TEX10: variants seen among roughly 807,000 people sequenced by gnomAD.
The protein encoded by TEX10 is testis expressed 10, also known as testis-expressed protein 10.
TEX10 carries 24 observed loss-of-function variants against 104.4 expected under a neutral mutation model. The observed-to-expected ratio is 0.23, with a 90% CI of 0.17 to 0.32. The LOEUF (loss-of-function observed/expected upper bound fraction) is 0.32. TEX10 is among the 10% of genes least tolerant of loss of function. TEX10 has a pLI of 1.00. For synonymous variants in TEX10, 396 were observed against 393.4 expected, an observed-to-expected ratio of 1.01 and a Z score of -0.08; for missense variants, 921 against 1,083.9, an observed-to-expected ratio of 0.85 and a Z score of 2.11.
chr9:100,320,467 A>T, intron 10 of TEX10, 69 bp from the exon 11 acceptor site: 1 of 1,489,072 alleles, frequency 6.7e-7, no homozygotes, highest in South Asian at 1.4e-5. Flanking sequence ...TTCTTAAAAA[A>T]CAGAGATGAC....
In TEX10 at chr9:100,352,689, G is replaced by GC. The variant is rs944145451; in HGVS notation, c.-10+82dup. 1.5e-5 allele frequency: 20 copies of GC among 1,330,008 alleles called. No homozygotes were observed. The African/African-American group carries it at 3.0e-4, about 20-fold the overall frequency. 82.4% of individuals were successfully genotyped at this position (1,330,008 alleles called of 1,614,324 possible). Reference sequence around the variant, plus strand: ...TGCACGGCCGACCCTGCCCGCTTGGGCCGCGGATCGGGGGGCGACGGCCCC... The same window carrying GC: ...TGCACGGCCGACCCTGCCCGCTTGGGCCCGCGGATCGGGGGGCGACGGCCCC... On this transcript the variant is annotated intron_variant, in intron 1 of 14. Transcript: ENST00000374902.
At chr9:100,346,007 C>A in intron 4 of TEX10, 65 bp downstream of exon 4, 1 of 1,518,142 alleles carries the variant, frequency 6.6e-7, no homozygotes, top group Non-Finnish European at 8.8e-7. Flanking sequence ...GAGCTGATTT[C>A]GAATCTTGCC....
chr9:100,310,240 C>G, intron 12 of TEX10, 59 bp downstream of exon 12: 2 of 1,412,928 alleles, frequency 1.4e-6, no homozygotes, highest in Admixed American at 1.8e-5. Context: ...GTGGAAAACT[C>G]TATTCTAACC....
chr9:100,333,067 C>T (rs772354436), intron 5 of TEX10, among the ~76,000 whole-genome samples: 15 of 151,974 alleles, frequency 9.9e-5, no homozygotes, highest in Non-Finnish European at 1.6e-4. Flanking sequence ...TGCAGTGGCA[C>T]GATCCTCCCA....
intron 4 of TEX10, among the ~76,000 whole-genome samples, chr9:100,342,513 G>C (rs1835198726): frequency 6.6e-6 from 1 of 152,172 alleles, no homozygotes; most frequent in African/African-American, 2.4e-5. Context: ...ACATGTAGCT[G>C]TTGAGCACTT....
chr9:100,334,284 T>C (rs945153478), intron 5 of TEX10, among the ~76,000 whole-genome samples: 7 of 151,924 alleles, frequency 4.6e-5, no homozygotes, highest in Non-Finnish European at 1.0e-4. Context: ...CAGATAACTC[T>C]TAAAGTATCA....
At chr9:100,349,807 G>T (rs1047298997) in intron 1 of TEX10, among the ~76,000 whole-genome samples, 3 of 152,140 alleles carry the variant, frequency 2.0e-5, no homozygotes, top group African/African-American at 7.2e-5. Context: ...GAAAACCAAT[G>T]TTATTCTTTA....
In TEX10 at chr9:100,347,418, A is replaced by G. The variant is rs940786423; in HGVS notation, c.181-12T>C. Reference sequence around the variant, plus strand: ...TGTGACAGCAAATCCTATAAATAAAAATACAAATTTTAGATGTATACTTAT... The same window carrying G: ...TGTGACAGCAAATCCTATAAATAAAGATACAAATTTTAGATGTATACTTAT... On this transcript the variant is annotated splice_polypyrimidine_tract_variant and intron_variant, in intron 2 of 14. Coordinates refer to ENST00000374902, the MANE Select transcript of TEX10 (RefSeq NM_017746.4). 3 of 1,539,850 alleles carry G rather than the reference A, an allele frequency of 1.9e-6. No individual in the cohort carries two copies. Among genetic ancestry groups the G allele is most frequent in the African/African-American group, 2.8e-5 (2 of 72,104 alleles).
chr9:100,347,384 T>A lies in TEX10; in HGVS notation c.203A>T (p.His68Leu). ...NIKDLLSQMHHYNAGVKQSAL... is the reference protein window; with the variant it reads ...NIKDLLSQMHLYNAGVKQSAL... ...ACTTTGTTTAACCCCAGCATTGTAG[T>A]GATGCATCTGTGACAGCAAATCCTA... is the stretch of plus-strand genomic sequence containing the variant. The change falls in exon 3 of 15, where the codon CAC becomes CTC. Residue 68 changes from histidine to leucine, a missense_variant. Transcript: ENST00000374902. 6.3e-7 allele frequency: 1 copy of A among 1,589,998 alleles called. No individual in the cohort carries two copies. The highest frequency in any genetic ancestry group is 1.4e-5 in the African/African-American group (1 of 73,850).
At chr9:100,310,448 C>G in intron 11 of TEX10, 69 bp from the exon 12 acceptor site, 1 of 1,405,926 alleles carries the variant, frequency 7.1e-7, no homozygotes. Context: ...TCAACAGATT[C>G]TTTTTTTTGA....
chr9:100,335,242 G>A (rs1203396346), intron 5 of TEX10, among the ~76,000 whole-genome samples: 2 of 151,896 alleles, frequency 1.3e-5, no homozygotes, highest in Admixed American at 6.5e-5. Flanking sequence ...TCGCTCTGTC[G>A]CCCAGGCTGG....
chr9:100,311,645 C>T (rs1405728150), intron 11 of TEX10, among the ~76,000 whole-genome samples: 1 of 152,124 alleles, frequency 6.6e-6, no homozygotes, highest in Non-Finnish European at 1.5e-5. Flanking sequence ...ATAACACTGC[C>T]TTCTCTAAAG....
chr9:100,302,982 G>A (rs930538530), intron 14 of TEX10, among the ~76,000 whole-genome samples: 24 of 143,136 alleles, frequency 1.7e-4, no homozygotes, highest in Non-Finnish European at 9.0e-5. Context: ...GAGCTGTCCC[G>A]GCCAAACAGA....
At chr9:100,318,157 C>T (rs1834467697) in intron 11 of TEX10, among the ~76,000 whole-genome samples, 2 of 152,122 alleles carry the variant, frequency 1.3e-5, no homozygotes, top group Non-Finnish European at 2.9e-5. Context: ...AAAAAGATAC[C>T]TATGTTTATT....
rs1363278745 is a variant in TEX10, at chr9:100,352,779, C to T, written c.-17G>A. ...CGGGCGACGGCCGCTTACCTGAGGA[C>T]CCGGCCGCGGCCGGGGCGAGAAGCC... On this transcript the variant is annotated 5_prime_UTR_variant, in exon 1 of 15. Coordinates refer to ENST00000374902, the MANE Select transcript of TEX10 (RefSeq NM_017746.4). 2.7e-6 allele frequency: 3 copies of T among 1,096,780 alleles called. No homozygotes were observed. Among genetic ancestry groups the T allele is most frequent in the African/African-American group, 3.3e-5 (2 of 60,146 alleles). 67.9% of individuals were successfully genotyped at this position (1,096,780 alleles called of 1,614,324 possible). A position where few individuals can be genotyped will look rare whatever the true frequency, so the allele number is the denominator to read the frequency against.
At chr9:100,343,434 T>C (rs1835222071) in intron 4 of TEX10, among the ~76,000 whole-genome samples, 1 of 151,276 alleles carries the variant, frequency 6.6e-6, no homozygotes, top group African/African-American at 2.4e-5. Context: ...TAAATGGCTG[T>C]TTATATGAAC....
At chr9:100,341,113 C>T (rs1227953370) in intron 4 of TEX10, among the ~76,000 whole-genome samples, 1 of 152,086 alleles carries the variant, frequency 6.6e-6, no homozygotes, top group East Asian at 1.9e-4. Flanking sequence ...ATTACAGGTG[C>T]CCATTACCAC....
rs2118831324 is a variant in TEX10 at position 100,308,655 on chromosome 9, G to A, written c.2310C>T (p.Ser770=). ...HLVGLTVIPD[S]TAGCVFGVIC... is the part of the protein sequence containing the mutation. ...TAACACCAAAAACACAGCCAGCCGTGCTGTCAGGAATTACAGTCAACCCAA... is the reference window on the plus strand; with the variant it reads ...TAACACCAAAAACACAGCCAGCCGTACTGTCAGGAATTACAGTCAACCCAA... Residue 770 remains serine (S), a synonymous_variant, in exon 13 of 15, where the codon AGC becomes AGT. Transcript: ENST00000374902. 1.9e-6 allele frequency: 3 copies of A among 1,607,410 alleles called. No individual in the cohort carries two copies. The East Asian group carries it at 6.7e-5, about 36-fold the overall frequency.
In TEX10 at chr9:100,325,425, G is replaced by A. The variant is rs554981717; in HGVS notation, c.1979+877C>T. Among the ~76,000 whole-genome samples, 9 of 152,366 alleles carry A rather than the reference G, an allele frequency of 5.9e-5. No individual in the cohort carries two copies. In the South Asian group the frequency reaches 1.2e-3, roughly 21 times the overall value. ...AGTGCTAGCTACTTTGGAGTCCAAG[G>A]AGGGAGGATCTCCTGAGCCCAAGAG... On this transcript the variant is annotated intron_variant, in intron 9 of 14. Coordinates refer to ENST00000374902, the MANE Select transcript of TEX10 (RefSeq NM_017746.4).
Sources: allele counts gnomAD v4.1 joint callset (sites outside exome capture counted in the v4.1 genomes callset), GRCh38; gene constraint gnomAD v4.1.1; transcripts MANE v1.5; gene names NCBI Gene and HGNC (gene_info 2026-07-23, HGNC 2026-07-21).